KIAA0825: variants seen among roughly 807,000 people sequenced by gnomAD.
KIAA0825 encodes the protein uncharacterized protein KIAA0825.
A neutral mutation model predicts 147.6 loss-of-function variants in KIAA0825; 119 were observed. That is an observed-to-expected ratio of 0.81 (90% confidence interval 0.69 to 0.94). The LOEUF is 0.94. KIAA0825 is among the 40% of genes least tolerant of loss of function. The pLI, the probability that KIAA0825 is intolerant of heterozygous loss-of-function variation, is 0.00. For missense variants in KIAA0825, 1,381 were observed against 1,472.7 expected (o/e 0.94, Z 1.02); for synonymous variants, 470 against 518.1 (o/e 0.91, Z 1.26).
At chr5:94,270,990 G>A (rs578019095) in intron 20 of KIAA0825, among the ~76,000 whole-genome samples, 1 of 152,204 alleles carries the variant, frequency 6.6e-6, no homozygotes, top group East Asian at 1.9e-4. Flanking sequence ...GAAATCTATT[G>A]CATTGGAGAA....
chr5:94,377,643 TTAGA>T (rs1383717992), intron 20 of KIAA0825, among the ~76,000 whole-genome samples: 4 of 152,252 alleles, frequency 2.6e-5, no homozygotes, highest in African/African-American at 4.8e-5. Context: ...GTACTTATTC[TTAGA>T]TAGCATCAAA....
intron 14 of KIAA0825, among the ~76,000 whole-genome samples, chr5:94,424,847 G>C (rs149465203): frequency 2.3e-4 from 35 of 152,252 alleles, no homozygotes; most frequent in African/African-American, 6.7e-4. Context: ...GATCATCAGA[G>C]ATTATTATGA....
At chr5:94,325,609 T>A (rs1024935561) in intron 20 of KIAA0825, among the ~76,000 whole-genome samples, 1 of 151,906 alleles carries the variant, frequency 6.6e-6, no homozygotes, top group Admixed American at 6.6e-5. Flanking sequence ...TAACAGCAAA[T>A]CTCAATTAAC....
Position 94,484,811 on chromosome 5 carries a change from C to T in KIAA0825, c.1090G>A (p.Asp364Asn). 5 of 1,518,324 alleles carry T rather than the reference C, an allele frequency of 3.3e-6. No homozygotes were observed. Among genetic ancestry groups the T allele is most frequent in the Non-Finnish European group, 4.4e-6 (5 of 1,124,854 alleles). The allele number at this position is 1,518,324 out of a possible 1,614,324, so 94.1% of individuals were successfully genotyped here. A position where few individuals can be genotyped will look rare whatever the true frequency, so the allele number is the denominator to read the frequency against. ...KLEKGVQELF[D>N]EILLSLKITR... ...ATCTTGAGTGATAAAAGTATTTCGT[C>T]AAACAATTCTTGAACACCTTTTTCC... Residue 364 changes from aspartate to asparagine, a missense_variant, in exon 6 of 21, where the codon GAC (aspartate) becomes AAC (asparagine). Physicochemically the swap from Asp to Asn is conservative, Grantham distance 23. Coordinates refer to ENST00000682413, the MANE Select transcript of KIAA0825 (RefSeq NM_001145678.3).
chr5:94,174,334 A>G lies in KIAA0825; in HGVS notation c.3711-20210T>C, dbSNP rs577245337. Among the ~76,000 whole-genome samples the G allele has an allele frequency of 4.6e-5, 7 of 152,260 alleles. No individual in the cohort carries two copies. The South Asian group carries it at 1.2e-3, about 27-fold the overall frequency. On this transcript the variant is annotated intron_variant, in intron 20 of 20. Coordinates refer to ENST00000682413, the MANE Select transcript of KIAA0825 (RefSeq NM_001145678.3). ...GCATTCCTTCCTTGTTTCTCATTTA[A>G]TAAATGTTTTCCAGAACGGAGTTTG... is the stretch of plus-strand genomic sequence containing the variant.
At chr5:94,295,458 C>A (rs1778094369) in intron 20 of KIAA0825, among the ~76,000 whole-genome samples, 1 of 152,010 alleles carries the variant, frequency 6.6e-6, no homozygotes, top group Non-Finnish European at 1.5e-5. Context: ...TAGTTTTGTT[C>A]CCTTGCTGGT....
chr5:94,410,706 A>C (rs903864501), intron 15 of KIAA0825, among the ~76,000 whole-genome samples: 6 of 152,208 alleles, frequency 3.9e-5, no homozygotes, highest in African/African-American at 7.2e-5. Context: ...TACAGTGCTA[A>C]AGGAAAAACG....
intron 20 of KIAA0825, among the ~76,000 whole-genome samples, chr5:94,204,272 G>A (rs1468096575): frequency 2.0e-5 from 3 of 152,146 alleles, no homozygotes; most frequent in Non-Finnish European, 4.4e-5. Flanking sequence ...AGGCATTATA[G>A]TTTTGGCTGA....
chr5:94,281,643 T>TG, intron 20 of KIAA0825, among the ~76,000 whole-genome samples: 2 of 152,260 alleles, frequency 1.3e-5, no homozygotes, highest in Middle Eastern at 6.8e-3. Flanking sequence ...GTAGGATGTC[T>TG]GGCAGCCTTC....
intron 20 of KIAA0825, among the ~76,000 whole-genome samples, chr5:94,258,217 AAAAGAG>A (rs1776333727): frequency 6.6e-6 from 1 of 152,026 alleles, no homozygotes; most frequent in South Asian, 2.1e-4. Context: ...TTTTTAATTC[AAAAGAG>A]GAAGAGGAAG....
chr5:94,350,555 A>C (rs1190170254), intron 20 of KIAA0825, among the ~76,000 whole-genome samples: 2 of 152,252 alleles, frequency 1.3e-5, no homozygotes, highest in African/African-American at 2.4e-5. Context: ...AACCGAATCC[A>C]ACAACATATC....
intron 20 of KIAA0825, among the ~76,000 whole-genome samples, chr5:94,346,962 G>A (rs1783071546): frequency 6.6e-6 from 1 of 152,156 alleles, no homozygotes; most frequent in African/African-American, 2.4e-5. Context: ...TCTGGGGGCT[G>A]TTGTCGGGTC....
chr5:94,267,976 T>C (rs1052890656), intron 20 of KIAA0825, among the ~76,000 whole-genome samples: 2 of 152,186 alleles, frequency 1.3e-5, no homozygotes, highest in African/African-American at 4.8e-5. Context: ...TATCATTCTT[T>C]AATGGTTTCT....
intron 1 of KIAA0825, among the ~76,000 whole-genome samples, chr5:94,604,782 C>A (rs1787178778): frequency 6.6e-6 from 1 of 152,094 alleles, no homozygotes; most frequent in Non-Finnish European, 1.5e-5. Context: ...TAAATGCCTA[C>A]ATCAAAAAGC....
Position 94,460,432 on chromosome 5 carries a change from A to G in KIAA0825, c.2246+1955T>C, listed in dbSNP as rs548923234. Among the ~76,000 whole-genome samples the G allele has an allele frequency of 2.4e-4, 37 of 152,252 alleles. 1 individual carries two copies. In the South Asian group the frequency reaches 7.5e-3, roughly 31 times the overall value. ...CCAGGGATTTCGTGGTCCTACGCTAAGTTCAGAAAGGAAAACACGTTCAGT... is the reference window on the plus strand; with the variant it reads ...CCAGGGATTTCGTGGTCCTACGCTAGGTTCAGAAAGGAAAACACGTTCAGT... On this transcript the variant is annotated intron_variant, in intron 12 of 20. Transcript: ENST00000682413.
Position 94,275,776 on chromosome 5 carries a change from G to GGA in KIAA0825, c.3710+108591_3710+108592insTC, listed in dbSNP as rs1381415638. On this transcript the variant is annotated intron_variant, in intron 20 of 20. Transcript: ENST00000682413. Reference sequence around the variant, plus strand: ...GGTAGTCCTTTGAGGCTCATCAGTAGCATCATTTACACAGCTCGCATTGTG... The same window carrying GGA: ...GGTAGTCCTTTGAGGCTCATCAGTAGGACATCATTTACACAGCTCGCATTGTG... Among the ~76,000 whole-genome samples, 3 of 152,172 alleles carry GGA rather than the reference G, an allele frequency of 2.0e-5. No individual in the cohort carries two copies. In the East Asian group the frequency reaches 5.8e-4, roughly 30 times the overall value.
At chr5:94,606,246 A>G (rs992512897) in intron 1 of KIAA0825, among the ~76,000 whole-genome samples, 1 of 152,248 alleles carries the variant, frequency 6.6e-6, no homozygotes, top group Non-Finnish European at 1.5e-5. Flanking sequence ...CTCCTCAAAG[A>G]AATTAGAGAA....
At chr5:94,446,740 G>C (rs1757777070) in intron 13 of KIAA0825, among the ~76,000 whole-genome samples, 1 of 152,078 alleles carries the variant, frequency 6.6e-6, no homozygotes, top group African/African-American at 2.4e-5. Context: ...ATTCATGGAA[G>C]GTAAGCCATA....
At chr5:94,233,976 T>G (rs1035352908) in intron 20 of KIAA0825, among the ~76,000 whole-genome samples, 6 of 152,248 alleles carry the variant, frequency 3.9e-5, no homozygotes, top group African/African-American at 1.2e-4. Flanking sequence ...GCAATTTTAT[T>G]GACACCATTT....
Sources: allele counts gnomAD v4.1 joint callset (sites outside exome capture counted in the v4.1 genomes callset), GRCh38; gene constraint gnomAD v4.1.1; transcripts MANE v1.5; gene names NCBI Gene and HGNC (gene_info 2026-07-23, HGNC 2026-07-21).